Variants in AGBL1 observed in about 807,000 individuals in gnomAD.
AGBL1 encodes the protein cytosolic carboxypeptidase 4.
In AGBL1, 130 loss-of-function variants were observed where a neutral mutation model predicts 118.9. The ratio of observed to expected loss-of-function variants is 1.09; its 90% confidence interval spans 0.95 to 1.26. The LOEUF (loss-of-function observed/expected upper bound fraction) is 1.26, where lower values mean the gene tolerates loss of function less well. Ranked by LOEUF, AGBL1 falls within the 50% of genes most tolerant of loss-of-function variation. The probability of loss-of-function intolerance (pLI) is 0.00; values close to 1 mark genes in which losing one functional copy is unlikely to be tolerated. For synonymous variants in AGBL1, 555 were observed against 478.9 expected, an observed-to-expected ratio of 1.16 and a Z score of -2.08; for missense variants, 1,584 against 1,298.1, an observed-to-expected ratio of 1.22 and a Z score of -3.38.
intron 23 of AGBL1, among the ~76,000 whole-genome samples, chr15:86,943,921 C>A (rs982914070): frequency 1.3e-5 from 2 of 152,122 alleles, no homozygotes; most frequent in Non-Finnish European, 2.9e-5. Flanking sequence ...ATGGCCCAAA[C>A]CTAACTTCAA....
At chr15:86,739,638 C>T (rs991896022) in intron 22 of AGBL1, among the ~76,000 whole-genome samples, 1 of 151,944 alleles carries the variant, frequency 6.6e-6, no homozygotes. Flanking sequence ...TACCAGCTCC[C>T]ATAAATAATC....
intron 1 of AGBL1, among the ~76,000 whole-genome samples, chr15:86,111,379 T>C (rs527634023): frequency 6.6e-6 from 1 of 152,186 alleles, no homozygotes; most frequent in Non-Finnish European, 1.5e-5. Flanking sequence ...TAGAATAAAT[T>C]CAGCTGCTAG....
At chr15:86,404,792 A>G (rs2081499482) in intron 18 of AGBL1, among the ~76,000 whole-genome samples, 1 of 152,222 alleles carries the variant, frequency 6.6e-6, no homozygotes, top group South Asian at 2.1e-4. Context: ...CATACTTGCC[A>G]TGTTCACTAT....
chr15:86,576,888 C>T (rs978925684), intron 21 of AGBL1, among the ~76,000 whole-genome samples: 23 of 152,172 alleles, frequency 1.5e-4, no homozygotes, highest in African/African-American at 5.3e-4. Flanking sequence ...GTTGTAAAGC[C>T]TCCTCAGCCA....
intron 19 of AGBL1, among the ~76,000 whole-genome samples, chr15:86,539,232 C>T (rs2083463280): frequency 6.6e-6 from 1 of 152,154 alleles, no homozygotes; most frequent in Non-Finnish European, 1.5e-5. Flanking sequence ...TTCCTATGTT[C>T]CTTGCCTTTG....
chr15:86,307,491 G>A (rs1404381552), intron 17 of AGBL1, among the ~76,000 whole-genome samples: 1 of 151,928 alleles, frequency 6.6e-6, no homozygotes, highest in Non-Finnish European at 1.5e-5. Flanking sequence ...ACACTTGTAA[G>A]CATAATGTGT....
In AGBL1 at chr15:86,545,980, C is replaced by G. The variant is rs983970772; in HGVS notation, c.2686-22C>G. Reference sequence around the variant, plus strand: ...CAATGACCTGACCTGGTTTTATTTTCTCCTTTGTTGGGCTATTGTAGGTTT... The same window carrying G: ...CAATGACCTGACCTGGTTTTATTTTGTCCTTTGTTGGGCTATTGTAGGTTT... On this transcript the variant is annotated intron_variant, in intron 19 of 22. Transcript: ENST00000614907. 2.5e-6 allele frequency: 4 copies of G among 1,607,144 alleles called. No homozygotes were observed. The African/African-American group carries it at 4.0e-5, about 16-fold the overall frequency.
chr15:86,333,376 C>G (rs1280969322), intron 17 of AGBL1, among the ~76,000 whole-genome samples: 2 of 152,038 alleles, frequency 1.3e-5, no homozygotes, highest in Admixed American at 6.6e-5. Context: ...CTCAGAAATA[C>G]AAAAGATCCT....
chr15:87,005,629 G>A (rs935419402), intron 24 of AGBL1, among the ~76,000 whole-genome samples: 2 of 152,092 alleles, frequency 1.3e-5, no homozygotes, highest in African/African-American at 4.8e-5. Context: ...TTTGCCATGG[G>A]TTCGAACTTC....
chr15:86,691,249 A>G (rs1461968339), intron 22 of AGBL1, among the ~76,000 whole-genome samples: 3 of 152,182 alleles, frequency 2.0e-5, no homozygotes. Flanking sequence ...AAGGCTAATT[A>G]TAAAATATTC....
intron 23 of AGBL1, among the ~76,000 whole-genome samples, chr15:86,946,904 G>GATGGGAGA (rs1193741515): frequency 6.7e-6 from 1 of 149,798 alleles, no homozygotes. Context: ...AGGGAGGTGA[G>GATGGGAGA]ATGGGAGATG....
At chr15:86,212,211 AGATTTTAAAGATTAT>A (rs1407568086) in intron 5 of AGBL1, among the ~76,000 whole-genome samples, 1 of 152,240 alleles carries the variant, frequency 6.6e-6, no homozygotes, top group Non-Finnish European at 1.5e-5. Context: ...ATAAGTGCTG[AGATTTTAAAGATTAT>A]ATTTGCTGTC....
chr15:86,829,922 C>A (rs2079080225), intron 22 of AGBL1, among the ~76,000 whole-genome samples: 1 of 152,024 alleles, frequency 6.6e-6, no homozygotes, highest in Non-Finnish European at 1.5e-5. Flanking sequence ...CCATAGTATA[C>A]CACTTTTATT....
At chr15:86,122,425 G>A (rs1214548601) in intron 1 of AGBL1, among the ~76,000 whole-genome samples, 1 of 152,130 alleles carries the variant, frequency 6.6e-6, no homozygotes, top group Admixed American at 6.6e-5. Context: ...GTGTGGGCTA[G>A]ACATAGTGAC....
In AGBL1 at chr15:86,820,861, C is replaced by G. The variant is rs1262332875; in HGVS notation, c.3159-86226C>G. Among the ~76,000 whole-genome samples the G allele has an allele frequency of 3.3e-5, 5 of 152,252 alleles. No homozygotes were observed. The East Asian group carries it at 9.7e-4, about 29-fold the overall frequency. On this transcript the variant is annotated intron_variant, in intron 22 of 22. Coordinates refer to ENST00000614907, the MANE Select transcript of AGBL1 (RefSeq NM_001386094.1). ...ACCCAAAGGATTATAAATCATTCTACTTTAAAGACACATGCACACGTATAT... is the reference window on the plus strand; with the variant it reads ...ACCCAAAGGATTATAAATCATTCTAGTTTAAAGACACATGCACACGTATAT...
At chr15:87,030,436 AG>A (rs1183815387), downstream of AGBL1, among the ~76,000 whole-genome samples, 1 of 152,046 alleles carries the variant, frequency 6.6e-6, no homozygotes, top group East Asian at 1.9e-4. Flanking sequence ...TAGTAATAAA[AG>A]CAGGTTTTAT....
chr15:86,603,506 A>T (rs1260957316), intron 21 of AGBL1, among the ~76,000 whole-genome samples: 3 of 151,438 alleles, frequency 2.0e-5, no homozygotes, highest in Non-Finnish European at 2.9e-5. Context: ...TGTCCCCCTT[A>T]GCCCCCTATT....
At chr15:86,996,182 A>G (rs1325055059) in intron 24 of AGBL1, among the ~76,000 whole-genome samples, 2 of 152,162 alleles carry the variant, frequency 1.3e-5, no homozygotes, top group Non-Finnish European at 2.9e-5. Context: ...ACTGAAGTCT[A>G]TACATACAGA....
In AGBL1 at chr15:86,963,509, A is replaced by C. The variant is rs143708267; in HGVS notation, c.3222-24478A>C. Among the ~76,000 whole-genome samples the C allele has an allele frequency of 7.9e-5, 12 of 152,160 alleles. No individual in the cohort carries two copies. The East Asian group carries it at 2.3e-3, about 29-fold the overall frequency. ...CTAGTATACTGGATGAATTATAAAC[A>C]ATCTACCACGTTGAAAGCACACATA... On this transcript the variant is annotated intron_variant, in intron 23 of 24. Coordinates refer to the AGBL1 transcript ENST00000441037.
Sources: gnomAD v4.1 joint callset for allele counts (sites outside exome capture counted in the v4.1 genomes callset) on GRCh38, gnomAD v4.1.1 for gene constraint, MANE v1.5 for transcripts, NCBI Gene and HGNC (gene_info 2026-07-23, HGNC 2026-07-21) for gene names.